Variants in RUVBL1 observed in about 807,000 individuals in gnomAD.
The protein encoded by RUVBL1 is RuvB like AAA ATPase 1, also known as ruvB-like 1.
A neutral mutation model predicts 52.4 loss-of-function variants in RUVBL1; 4 were observed. The observed-to-expected ratio is 0.08, with a 90% CI of 0.04 to 0.17. The LOEUF is 0.17. Ranked by LOEUF, RUVBL1 falls within the 10% of genes least tolerant of loss-of-function variation. RUVBL1 has a pLI of 1.00. For missense variants in RUVBL1, 298 were observed against 572.8 expected (o/e 0.52, Z 4.90); for synonymous variants, 217 against 214.4 (o/e 1.01, Z -0.10).
chr3:128,150,865 T>G (rs1484374088), intron 1 of RUVBL1, among the ~76,000 whole-genome samples: 1 of 55,480 alleles, frequency 1.8e-5, no homozygotes, highest in African/African-American at 8.1e-5. Flanking sequence ...TATTATATAT[T>G]ATATATATAT....
At chr3:128,129,045 T>C (rs1293699651) in intron 1 of RUVBL1, among the ~76,000 whole-genome samples, 8 of 152,168 alleles carry the variant, frequency 5.3e-5, no homozygotes, top group Admixed American at 2.0e-4. Context: ...CACTTGCATT[T>C]CTTTCCTAGC....
chr3:128,088,873 A>G (rs1480406830), intron 8 of RUVBL1, among the ~76,000 whole-genome samples: 1 of 152,152 alleles, frequency 6.6e-6, no homozygotes, highest in Non-Finnish European at 1.5e-5. Flanking sequence ...TGTTGCTATT[A>G]TTTTTATTGA....
chr3:128,148,681 T>C (rs979106485), intron 1 of RUVBL1, among the ~76,000 whole-genome samples: 10 of 152,238 alleles, frequency 6.6e-5, no homozygotes, highest in African/African-American at 2.4e-4. Context: ...GACCTTCTTG[T>C]GTCTGCTGTT....
At chr3:128,073,874 GC>G (rs1942238110) in intron 9 of RUVBL1, among the ~76,000 whole-genome samples, 2 of 152,232 alleles carry the variant, frequency 1.3e-5, no homozygotes, top group Non-Finnish European at 1.5e-5. Flanking sequence ...AATTACAGCA[GC>G]TCCTCCCTGT....
chr3:128,145,666 G>A (rs1944093195), intron 1 of RUVBL1, among the ~76,000 whole-genome samples: 1 of 152,170 alleles, frequency 6.6e-6, no homozygotes, highest in Non-Finnish European at 1.5e-5. Flanking sequence ...GGGGTGGGGT[G>A]AGGAGTCAGT....
At position 128,067,227 on chromosome 3, in the gene RUVBL1, C is replaced by T; in HGVS notation, c.940-2007G>A. On this transcript the variant is annotated intron_variant, in intron 9 of 9. Coordinates refer to the RUVBL1 transcript ENST00000464873. The surrounding 1 kb of genome is among the most constrained non-coding windows in gnomAD (Gnocchi z 4.1). ...TTTCTATCAGTGTCTTGCTCATGAA[C>T]AGATATTTCATCCAAAGATATTTTC... 2 of 1,394,462 alleles carry T rather than the reference C, an allele frequency of 1.4e-6. No homozygotes were observed. Among genetic ancestry groups the T allele is most frequent in the Non-Finnish European group, 2.0e-6 (2 of 989,956 alleles). 86.4% of individuals were successfully genotyped at this position (1,394,462 alleles called of 1,614,324 possible).
At chr3:128,089,827 T>A (rs982195409) in intron 8 of RUVBL1, among the ~76,000 whole-genome samples, 1 of 143,856 alleles carries the variant, frequency 7.0e-6, no homozygotes, top group African/African-American at 2.6e-5. Flanking sequence ...TGAGAATCGC[T>A]TGAGCCCAGG....
intron 3 of RUVBL1, among the ~76,000 whole-genome samples, chr3:128,111,467 C>G (rs1943392517): frequency 6.6e-6 from 1 of 152,132 alleles, no homozygotes; most frequent in Admixed American, 6.6e-5. Context: ...TCTTTCAGCC[C>G]CACATCTAAC....
At chr3:128,101,867 G>A (rs1427919096) in intron 4 of RUVBL1, among the ~76,000 whole-genome samples, 1 of 152,150 alleles carries the variant, frequency 6.6e-6, no homozygotes, top group Admixed American at 6.5e-5. Flanking sequence ...GAAAATAGGG[G>A]GGCCAGCATA....
intron 8 of RUVBL1, among the ~76,000 whole-genome samples, chr3:128,094,350 G>A (rs1020186490): frequency 2.6e-5 from 4 of 152,232 alleles, no homozygotes; most frequent in East Asian, 1.9e-4. Flanking sequence ...TGAGCGGCAA[G>A]AAGCCGAGAG....
chr3:128,076,962 C>A (rs1942347348), downstream of RUVBL1, among the ~76,000 whole-genome samples: 1 of 151,828 alleles, frequency 6.6e-6, no homozygotes, highest in Non-Finnish European at 1.5e-5. This position sits in a 1 kb window ranked among gnomAD's most constrained non-coding sequence, Gnocchi z 6.8. Context: ...GTGCTGGCGG[C>A]GTGACGGTGA....
chr3:128,151,024 AATAT>A lies in RUVBL1; in HGVS notation c.-40+2175_-40+2178del, dbSNP rs1944198797. 4.7e-5 allele frequency among the ~76,000 whole-genome samples: 4 copies of A among 84,890 alleles called. No individual in the cohort carries two copies. In the South Asian group the frequency reaches 1.2e-3, roughly 26 times the overall value. 55.7% of individuals were successfully genotyped at this position (84,890 alleles called of 152,430 possible). ...ATATTATATTATATATTATATATAT[AATAT>A]ATATTCTATATTCTATATATTCTAT... On this transcript the variant is annotated intron_variant, in intron 1 of 9. Transcript: ENST00000464873.
intron 1 of RUVBL1, among the ~76,000 whole-genome samples, chr3:128,149,627 TG>T (rs1944156212): frequency 6.6e-6 from 1 of 152,250 alleles, no homozygotes; most frequent in Non-Finnish European, 1.5e-5. Flanking sequence ...CTACTTTCCT[TG>T]GGGCCCAAAA....
intron 6 of RUVBL1, among the ~76,000 whole-genome samples, chr3:128,099,969 T>G (rs1218526766): frequency 6.6e-6 from 1 of 152,158 alleles, no homozygotes; most frequent in Admixed American, 6.5e-5. Context: ...GACCTGTTGG[T>G]CCAAGATGAG....
chr3:128,098,179 C>T (rs34562493), intron 7 of RUVBL1, among the ~76,000 whole-genome samples: 21,084 of 152,080 alleles, frequency 0.14, 1,632 homozygotes, highest in African/African-American at 0.2. Flanking sequence ...CAGGAGGGAG[C>T]AGCTCACAAA....
intron 9 of RUVBL1, chr3:128,083,627 C>T (rs573708360): frequency 6.6e-6 from 1 of 152,434 alleles, no homozygotes; most frequent in Non-Finnish European, 1.5e-5. Flanking sequence ...CCCAGCAGGA[C>T]AGAGCGGCTG....
intron 3 of RUVBL1, among the ~76,000 whole-genome samples, chr3:128,106,967 G>A (rs913365466): frequency 2.6e-5 from 4 of 152,092 alleles, no homozygotes; most frequent in East Asian, 1.9e-4. Flanking sequence ...CTGGTTTCAC[G>A]GGTTTTTACT....
intron 3 of RUVBL1, among the ~76,000 whole-genome samples, chr3:128,108,382 C>T (rs1943298001): frequency 6.6e-6 from 1 of 152,124 alleles, no homozygotes; most frequent in Admixed American, 6.5e-5. Flanking sequence ...TGGCAAATTA[C>T]AAAACAGATG....
At chr3:128,101,671 G>C in intron 4 of RUVBL1, 23 bp from the exon 5 acceptor site, 1 of 1,601,944 alleles carries the variant, frequency 6.2e-7, no homozygotes, top group Non-Finnish European at 8.5e-7. Context: ...ATGTAAATCA[G>C]AAGTGTAATA....
Sources: gnomAD v4.1 joint callset for allele counts (sites outside exome capture counted in the v4.1 genomes callset) on GRCh38, gnomAD v4.1.1 for gene constraint, Gnocchi (gnomAD v3.1) non-coding constraint, MANE v1.5 for transcripts, NCBI Gene and HGNC (gene_info 2026-07-23, HGNC 2026-07-21) for gene names.